The following ST8SIA6 variants were observed in gnomAD, a reference collection of about 807,000 sequenced individuals.
The protein encoded by ST8SIA6 is ST8 alpha-N-acetyl-neuraminide alpha-2,8-sialyltransferase 6.
Under a neutral mutation model 33.6 loss-of-function variants are expected in ST8SIA6, and 39 were observed. The ratio of observed to expected loss-of-function variants is 1.16; its 90% CI spans 0.90 to 1.52. The LOEUF (loss-of-function observed/expected upper bound fraction) is 1.52, where lower values mean the gene tolerates loss of function less well. Among genes scored for constraint, ST8SIA6 ranks in the 40% most tolerant of loss-of-function variants. The pLI is 0.00. For missense variants in ST8SIA6, 441 were observed against 443.8 expected, an observed-to-expected ratio of 0.99 and a Z score of 0.06; for synonymous variants, 172 against 167.2, an observed-to-expected ratio of 1.03 and a Z score of -0.22.
At chr10:17,360,937 AG>A (rs1849364933) in intron 3 of ST8SIA6, among the ~76,000 whole-genome samples, 1 of 143,592 alleles carries the variant, frequency 7.0e-6, no homozygotes, top group African/African-American at 2.6e-5. Context: ...GAAGAGGAAA[AG>A]GAAGAAGAAG....
chr10:17,379,715 G>A (rs1481498647), intron 3 of ST8SIA6, among the ~76,000 whole-genome samples: 1 of 152,078 alleles, frequency 6.6e-6, no homozygotes, highest in African/African-American at 2.4e-5. Context: ...TTCTTATATT[G>A]ATTGATGTCT....
At chr10:17,371,889 G>A (rs1454630327) in intron 3 of ST8SIA6, among the ~76,000 whole-genome samples, 2 of 151,598 alleles carry the variant, frequency 1.3e-5, no homozygotes, top group East Asian at 3.9e-4. Context: ...ACTGTGGACT[G>A]CTAAGAAATA....
chr10:17,346,163 G>A (rs1848826210), intron 4 of ST8SIA6, among the ~76,000 whole-genome samples: 1 of 152,194 alleles, frequency 6.6e-6, no homozygotes, highest in African/African-American at 2.4e-5. Flanking sequence ...AGGTTCCTTT[G>A]AAGATCCTTT....
chr10:17,391,047 G>A (rs879915103), intron 2 of ST8SIA6, among the ~76,000 whole-genome samples: 7 of 151,744 alleles, frequency 4.6e-5, no homozygotes, highest in Non-Finnish European at 1.0e-4. Context: ...TAGTAGAGAC[G>A]GGGTTTCTCC....
chr10:17,324,965 TATA>T (rs1233400441), intron 6 of ST8SIA6, among the ~76,000 whole-genome samples: 1 of 145,068 alleles, frequency 6.9e-6, no homozygotes, highest in Non-Finnish European at 1.5e-5. Context: ...ATAATGTGTA[TATA>T]ATATGTAATA....
chr10:17,332,352 C>A (rs1482066807), intron 4 of ST8SIA6, among the ~76,000 whole-genome samples: 1 of 152,142 alleles, frequency 6.6e-6, no homozygotes, highest in Admixed American at 6.5e-5. Context: ...GGTTCTAGAT[C>A]CTTGAGGAAT....
At chr10:17,357,426 C>T (rs548024396) in intron 4 of ST8SIA6, among the ~76,000 whole-genome samples, 4 of 151,860 alleles carry the variant, frequency 2.6e-5, no homozygotes, top group Admixed American at 6.6e-5. Context: ...GTGAGCCATA[C>T]GCCCAGCCCC....
At position 17,350,109 on chromosome 10, in the gene ST8SIA6, G is replaced by T. The variant is rs1848981502; in HGVS notation, c.377+9405C>A. 2.0e-5 allele frequency among the ~76,000 whole-genome samples: 3 copies of T among 152,174 alleles called. No individual in the cohort carries two copies. The South Asian group carries it at 6.2e-4, about 32-fold the overall frequency. ...AACTGGTTGGGACAGGGGTGGAAGT[G>T]GTTGGAGCGATGTGGCCAAAGTCCG... On this transcript the variant is annotated intron_variant, in intron 4 of 7. Transcript: ENST00000377602.
In ST8SIA6 at chr10:17,333,700, TATATATATATA is replaced by T. The variant is rs1564404976; in HGVS notation, c.378-2159_378-2149del. On this transcript the variant is annotated intron_variant, in intron 4 of 7. Coordinates refer to ENST00000377602, the MANE Select transcript of ST8SIA6 (RefSeq NM_001004470.3). ...ATATATATATATATATATATATATA[TATATATATATA>T]TATATATTTTTTTTTTTTTTTTTTT... 7.0e-4 allele frequency among the ~76,000 whole-genome samples: 19 copies of T among 27,244 alleles called. 1 individual carries two copies. Among genetic ancestry groups the T allele is most frequent in the African/African-American group, 2.8e-3 (16 of 5,746 alleles). 17.9% of individuals were successfully genotyped at this position (27,244 alleles called of 152,430 possible). A position where few individuals can be genotyped will look rare whatever the true frequency, so the allele number is the denominator to read the frequency against.
chr10:17,386,175 TCACACACA>T (rs371809115), intron 3 of ST8SIA6, among the ~76,000 whole-genome samples: 42,078 of 150,108 alleles, frequency 0.28, 6,540 homozygotes, highest in East Asian at 0.64. Context: ...AGTGAGACTG[TCACACACA>T]CACACACACA....
At chr10:17,451,398 A>G (rs190207257) in intron 2 of ST8SIA6, among the ~76,000 whole-genome samples, 40 of 152,322 alleles carry the variant, frequency 2.6e-4, no homozygotes, top group Admixed American at 2.4e-3. Context: ...GGAATAATAA[A>G]CACTGGAGAC....
At chr10:17,395,100 C>G (rs774835492) in intron 2 of ST8SIA6, among the ~76,000 whole-genome samples, 1 of 152,108 alleles carries the variant, frequency 6.6e-6, no homozygotes, top group Admixed American at 6.6e-5. Context: ...CCATACTGTT[C>G]TCATGGTAGT....
chr10:17,448,628 G>GTTGTTGTTGTTGT (rs371422004), intron 2 of ST8SIA6, among the ~76,000 whole-genome samples: 12 of 151,526 alleles, frequency 7.9e-5, no homozygotes, highest in African/African-American at 2.4e-4. Flanking sequence ...TGTTGTTGTT[G>GTTGTTGTTGTTGT]TTTTTGAGAC....
chr10:17,446,790 C>T (rs377241288), intron 2 of ST8SIA6, among the ~76,000 whole-genome samples: 2 of 151,798 alleles, frequency 1.3e-5, no homozygotes, highest in South Asian at 4.2e-4. Flanking sequence ...GGGCTGGGAG[C>T]GGTGGCTCAT....
intron 2 of ST8SIA6, among the ~76,000 whole-genome samples, chr10:17,398,419 G>A (rs1038746386): frequency 3.3e-5 from 5 of 151,914 alleles, no homozygotes; most frequent in Non-Finnish European, 5.9e-5. Context: ...AATGCCATCA[G>A]TGCTTACCGA....
chr10:17,448,281 A>G (rs866621367), intron 2 of ST8SIA6, among the ~76,000 whole-genome samples: 45 of 152,216 alleles, frequency 3.0e-4, no homozygotes, highest in Admixed American at 2.0e-4. Context: ...TCATGGTTCA[A>G]TCATCACAGA....
intron 2 of ST8SIA6, among the ~76,000 whole-genome samples, chr10:17,427,134 G>A (rs1851963550): frequency 6.7e-6 from 1 of 150,364 alleles, no homozygotes; most frequent in Non-Finnish European, 1.5e-5. Flanking sequence ...GTGCATGAAA[G>A]GGGGAAAGGG....
chr10:17,419,992 G>T (rs1313019033), intron 2 of ST8SIA6, among the ~76,000 whole-genome samples: 2 of 152,102 alleles, frequency 1.3e-5, no homozygotes, highest in African/African-American at 4.8e-5. Flanking sequence ...TTACAACCTG[G>T]TGGAGACTTA....
intron 2 of ST8SIA6, among the ~76,000 whole-genome samples, chr10:17,421,966 T>C (rs183671827): frequency 6.6e-6 from 1 of 152,316 alleles, no homozygotes; most frequent in East Asian, 1.9e-4. Context: ...CTGCAAGTGT[T>C]TGCTTTATAC....
Sources: allele counts gnomAD v4.1 joint callset (sites outside exome capture counted in the v4.1 genomes callset), GRCh38; gene constraint gnomAD v4.1.1; transcripts MANE v1.5; gene names NCBI Gene and HGNC (gene_info 2026-07-23, HGNC 2026-07-21).